The following UBA3 variants were observed in gnomAD, a reference collection of about 807,000 sequenced individuals.
UBA3 encodes NEDD8-activating enzyme E1 catalytic subunit.
In UBA3, 26 loss-of-function variants were observed where a neutral mutation model predicts 73.5. That is an observed-to-expected ratio of 0.35 (90% CI 0.26 to 0.49). The LOEUF is 0.49. UBA3 is among the 20% of genes least tolerant of loss of function. UBA3 has a pLI of 0.98. For missense variants in UBA3, 495 were observed against 555.6 expected (o/e 0.89, Z 1.10); for synonymous variants, 217 against 191.2 (o/e 1.13, Z -1.11).
At chr3:69,076,927 C>CA (rs1033893493) in intron 3 of UBA3, among the ~76,000 whole-genome samples, 5 of 151,354 alleles carry the variant, frequency 3.3e-5, no homozygotes, top group African/African-American at 1.2e-4. Flanking sequence ...GCGAAACTCA[C>CA]AAAACATGAG....
At chr3:69,078,051 G>A (rs1025444839) in intron 2 of UBA3, 133 bp from the exon 3 acceptor site, 1 of 1,190,968 alleles carries the variant, frequency 8.4e-7, no homozygotes, top group Non-Finnish European at 1.1e-6. Context: ...TATTCAATGT[G>A]ATTATGTTTA....
At chr3:69,078,638 C>T (rs3755717) in intron 2 of UBA3, among the ~76,000 whole-genome samples, 35,114 of 151,794 alleles carry the variant, frequency 0.23, 4,220 homozygotes, top group East Asian at 0.38. Flanking sequence ...CATACCCAGC[C>T]AATTTTTGTA....
At position 69,080,315 on chromosome 3, in the gene UBA3, G is replaced by A. The variant is rs1427207146; in HGVS notation, c.20+19C>T. 1.2e-6 allele frequency: 2 copies of A among 1,604,246 alleles called. No individual in the cohort carries two copies. The highest frequency in any genetic ancestry group is 8.5e-7 in the Non-Finnish European group (1 of 1,177,280). On this transcript the variant is annotated intron_variant, in intron 1 of 17. Transcript: ENST00000361055. ...CAACCCAGCCCAGCCCGGCGCGTCT[G>A]CAGAGCCCCGGTACTTACGGCTCCT...
Position 69,078,189 on chromosome 3 carries a change from A to G in UBA3, c.63-271T>C, listed in dbSNP as rs542360554. Among the ~76,000 whole-genome samples the G allele has an allele frequency of 3.9e-5, 6 of 152,322 alleles. No homozygotes were observed. In the South Asian group the frequency reaches 8.3e-4, roughly 21 times the overall value. ...TGTTTTTGGTTTCCTAAAGCAATCC[A>G]AGGTTCAACTTAGGATATTGGTCTA... On this transcript the variant is annotated intron_variant, in intron 2 of 17. Coordinates refer to ENST00000361055, the MANE Select transcript of UBA3 (RefSeq NM_003968.4).
chr3:69,073,973 C>G (rs753624816), intron 4 of UBA3, among the ~76,000 whole-genome samples: 1 of 151,936 alleles, frequency 6.6e-6, no homozygotes, highest in East Asian at 1.9e-4. Flanking sequence ...TTAGAATGAG[C>G]CTTTAGGGGG....
In UBA3 at chr3:69,064,707, C is replaced by A. The variant is rs142003984; in HGVS notation, c.429-596G>T. On this transcript the variant is annotated intron_variant, in intron 6 of 17. Transcript: ENST00000361055. ...AAATCCTATTACCAGTCTTCCCATC[C>A]CTGGAGGCTAAAAAGGAAACTCCAT... is the stretch of plus-strand genomic sequence containing the variant. 7.9e-5 allele frequency among the ~76,000 whole-genome samples: 12 copies of A among 152,204 alleles called. No individual in the cohort carries two copies. In the East Asian group the frequency reaches 1.7e-3, roughly 22 times the overall value.
At chr3:69,062,560 G>A (rs1374453371) in intron 9 of UBA3, among the ~76,000 whole-genome samples, 1 of 152,128 alleles carries the variant, frequency 6.6e-6, no homozygotes, top group Non-Finnish European at 1.5e-5. Context: ...TCATAAAATT[G>A]TTTACATTTA....
chr3:69,056,663 C>T lies in UBA3; in HGVS notation c.1032G>A (p.Val344=). The change falls in exon 14 of 18, where the codon GTG becomes GTA. Residue 344 remains valine, a synonymous_variant. Transcript: ENST00000361055. The stretch of plus-strand genomic sequence containing the variant: ...TATACAGCCCATCTACATCATTAAA[C>T]ACCAAGTAATTATTCAAGGGAATGT... ...SAYIPLNNYL[V]FNDVDGLYTY... is the part of the protein sequence containing the mutation. 1 of 1,613,392 alleles carries T rather than the reference C, an allele frequency of 6.2e-7. No homozygotes were observed. The highest frequency in any genetic ancestry group is 8.5e-7 in the Non-Finnish European group (1 of 1,179,558).
chr3:69,071,549 C>T lies in UBA3; in HGVS notation c.333G>A (p.Arg111=), dbSNP rs1354241278. 1 of 1,549,660 alleles carries T rather than the reference C, an allele frequency of 6.5e-7. No homozygotes were observed. Among genetic ancestry groups the T allele is most frequent in the South Asian group, 1.2e-5 (1 of 81,670 alleles). ...TTAAAACTTACCTAAATAAAAACTG[C>T]CTATTTAGATTGGAAACATCTATAG... is the stretch of plus-strand genomic sequence containing the variant. ...MDTIDVSNLN[R]QFLFRPKDIG... Residue 111 remains arginine, a synonymous_variant, in exon 5 of 18, where the codon AGG becomes AGA. Coordinates refer to ENST00000361055, the MANE Select transcript of UBA3 (RefSeq NM_003968.4).
chr3:69,056,082 G>C lies in UBA3; in HGVS notation c.1185-19C>G. The C allele has an allele frequency of 1.3e-6, 2 of 1,583,818 alleles. No homozygotes were observed. On this transcript the variant is annotated intron_variant, in intron 15 of 17. Coordinates refer to ENST00000361055, the MANE Select transcript of UBA3 (RefSeq NM_003968.4). ...CATTTGCCTAAAGATTATGATGAGA[G>C]AGAAGTATCAAACATAATTTTTATC...
intron 2 of UBA3, 78 bp from the exon 3 acceptor site, chr3:69,077,996 A>G (rs1387543276): frequency 1.3e-6 from 2 of 1,529,310 alleles, no homozygotes; most frequent in Admixed American, 2.0e-5. Context: ...GGTATCCCCA[A>G]ATGAAAAGGT....
chr3:69,069,474 G>C (rs1287196920), intron 5 of UBA3, among the ~76,000 whole-genome samples: 1 of 152,064 alleles, frequency 6.6e-6, no homozygotes, highest in Non-Finnish European at 1.5e-5. Flanking sequence ...CTACGGGCAT[G>C]AGTCACTACG....
intron 5 of UBA3, 95 bp downstream of exon 5, chr3:69,071,440 T>A: frequency 1.5e-6 from 1 of 677,176 alleles, no homozygotes; most frequent in South Asian, 2.0e-5. Flanking sequence ...TATTATCCTC[T>A]CAAGTCATTT....
At chr3:69,077,571 T>A (rs1432667416) in intron 3 of UBA3, 2 of 421,194 alleles carry the variant, frequency 4.7e-6, no homozygotes, top group Non-Finnish European at 8.2e-6. Context: ...TGAAGTTAGA[T>A]TTTTCTCACA....
At chr3:69,074,762 CAATT>C (rs1243168421) in intron 4 of UBA3, among the ~76,000 whole-genome samples, 1 of 152,062 alleles carries the variant, frequency 6.6e-6, no homozygotes, top group Non-Finnish European at 1.5e-5. Context: ...TCAAGGAAAC[CAATT>C]AATTAAATCA....
chr3:69,077,549 T>G (rs1364381040), intron 3 of UBA3: 1 of 334,854 alleles, frequency 3.0e-6, no homozygotes, highest in African/African-American at 2.2e-5. Context: ...TTTAAATTTT[T>G]ACATGAGGTC....
In UBA3 at chr3:69,080,129, C is replaced by T. The variant is rs567101628; in HGVS notation, c.45G>A (p.Glu15=). 5.0e-6 allele frequency: 8 copies of T among 1,609,624 alleles called. No homozygotes were observed. The East Asian group carries it at 1.6e-4, about 32-fold the overall frequency. Residue 15 remains glutamate (E), a synonymous_variant, in exon 2 of 18, where the codon GAG becomes GAA. Transcript: ENST00000361055. Reference sequence around the variant, plus strand: ...GCACTAACTTCTCAGCCAGCAGCTCCTCTATTCTCCTTCTTTTCTTCTCCC... The same window carrying T: ...GCACTAACTTCTCAGCCAGCAGCTCTTCTATTCTCCTTCTTTTCTTCTCCC... ...EEPEKKRRRI[E]ELLAEKMAVD...
At chr3:69,067,339 CA>C (rs1470793669) in intron 6 of UBA3, among the ~76,000 whole-genome samples, 1 of 152,070 alleles carries the variant, frequency 6.6e-6, no homozygotes, top group East Asian at 1.9e-4. Context: ...TTGTAAATGG[CA>C]TTGTATTTTA....
intron 11 of UBA3, among the ~76,000 whole-genome samples, chr3:69,061,426 C>T (rs534164667): frequency 6.6e-6 from 1 of 152,336 alleles, no homozygotes; most frequent in East Asian, 1.9e-4. Context: ...AACTCCTGAC[C>T]TCAGGTGATC....
Sources: gnomAD v4.1 joint callset for allele counts (sites outside exome capture counted in the v4.1 genomes callset) on GRCh38, gnomAD v4.1.1 for gene constraint, MANE v1.5 for transcripts, NCBI Gene and HGNC (gene_info 2026-07-23, HGNC 2026-07-21) for gene names.